PML: variants seen among roughly 807,000 people sequenced by gnomAD.
PML encodes the protein PML nuclear body scaffold, also known as protein PML.
PML carries 28 observed loss-of-function variants against 65.2 expected under a neutral mutation model. The observed-to-expected ratio is 0.43, with a 90% CI of 0.32 to 0.59. PML has a LOEUF of 0.59. Among genes scored for constraint, PML ranks in the 20% least tolerant of loss-of-function variants. The probability of loss-of-function intolerance (pLI) is 0.08; values close to 1 mark genes in which losing one functional copy is unlikely to be tolerated. For missense variants in PML, 1,021 were observed against 1,203.4 expected (o/e 0.85, Z 2.24); for synonymous variants, 500 against 508.8 (o/e 0.98, Z 0.23).
chr15:74,033,244 G>T lies in PML; in HGVS notation c.1487G>T (p.Gly496Val), dbSNP rs1460372560. The T allele has an allele frequency of 1.2e-6, 2 of 1,614,216 alleles. No homozygotes were observed. The highest frequency in any genetic ancestry group is 1.7e-6 in the Non-Finnish European group (2 of 1,180,028). ...RKVIKMESEE[G>V]KEARLARSSP... ...GTCATCAAGATGGAGTCTGAGGAGGGGAAGGAGGCAAGGTTGGCTCGGAGC... is the reference window on the plus strand; with the variant it reads ...GTCATCAAGATGGAGTCTGAGGAGGTGAAGGAGGCAAGGTTGGCTCGGAGC... The change falls in exon 6 of 9, where the codon GGG becomes GTG. Residue 496 changes from glycine (G) to valine (V), a missense_variant. Coordinates refer to ENST00000268058, the MANE Select transcript of PML (RefSeq NM_033238.3).
chr15:73,995,793 C>T (rs1163554343), intron 1 of PML, among the ~76,000 whole-genome samples: 1 of 152,164 alleles, frequency 6.6e-6, no homozygotes, highest in Non-Finnish European at 1.5e-5. Flanking sequence ...CTCACACTGT[C>T]GCCCAGGCTG....
intron 2 of PML, among the ~76,000 whole-genome samples, chr15:74,010,077 G>A (rs8027774): frequency 0.51 from 76,594 of 151,362 alleles, 20,077 homozygotes; most frequent in Non-Finnish European, 0.58. Context: ...TGCAGTGTGC[G>A]ATTATAGCTT....
rs150820966 is a variant in PML, at chr15:73,996,523, T to G, written c.130-1481T>G. 5.2e-3 allele frequency among the ~76,000 whole-genome samples: 789 copies of G among 152,288 alleles called. 6 individuals are homozygous for G. The highest frequency in any genetic ancestry group is 0.018 in the African/African-American group (743 of 41,544). On this transcript the variant is annotated intron_variant, in intron 1 of 8. Transcript: ENST00000268058. ...GCTGTTTGGTGAATAGAGGTTGTCT[T>G]GCTATGTAGATTAAAAGTTCTTAGA...
intron 2 of PML, among the ~76,000 whole-genome samples, chr15:74,020,827 G>A (rs1043677443): frequency 3.9e-5 from 6 of 152,000 alleles, no homozygotes; most frequent in Admixed American, 1.3e-4. Context: ...CTTCAAAGCC[G>A]GCAACATCAC....
intron 2 of PML, among the ~76,000 whole-genome samples, chr15:74,017,080 A>C (rs2070625646): frequency 6.6e-6 from 1 of 151,928 alleles, no homozygotes; most frequent in Admixed American, 6.5e-5. Flanking sequence ...TACAGGCATG[A>C]GCCGCCGCGC....
chr15:73,994,807 G>C lies in PML; in HGVS notation c.-6G>C. ...TAAACCGAGAATCGAAACTAAGCTGGGGTCCATGGAGCCTGCACCCGCCCG... is the reference window on the plus strand; with the variant it reads ...TAAACCGAGAATCGAAACTAAGCTGCGGTCCATGGAGCCTGCACCCGCCCG... On this transcript the variant is annotated 5_prime_UTR_variant, in exon 1 of 9. Coordinates refer to ENST00000268058, the MANE Select transcript of PML (RefSeq NM_033238.3). The C allele has an allele frequency of 6.4e-7, 1 of 1,553,234 alleles. No individual in the cohort carries two copies.
intron 7 of PML, among the ~76,000 whole-genome samples, chr15:74,038,299 G>A (rs1039006491): frequency 2.0e-5 from 3 of 151,910 alleles, no homozygotes; most frequent in Non-Finnish European, 4.4e-5. Context: ...GGGTGGGGCG[G>A]GGAGTATGTA....
rs145911251 is a variant in PML at position 74,044,930 on chromosome 15, G to A, written c.2571G>A (p.Pro857=). ...GTYFEGLLEG[P]ALARAEGVST... is the part of the protein sequence containing the mutation. The stretch of plus-strand genomic sequence containing the variant: ...ACTTTGAAGGCCTGTTGGAGGGTCC[G>A]GCGCTGGCACGGGCAGAAGGAGTCT... Residue 857 remains proline, a synonymous_variant, in exon 9 of 9, where the codon CCG becomes CCA. Transcript: ENST00000268058. The A allele has an allele frequency of 2.4e-5, 38 of 1,613,142 alleles. No homozygotes were observed. Among genetic ancestry groups the A allele is most frequent in the East Asian group, 4.5e-5 (2 of 44,878 alleles).
chr15:74,032,429 C>A, intron 4 of PML, 143 bp from the exon 5 acceptor site: 1 of 837,952 alleles, frequency 1.2e-6, no homozygotes. Flanking sequence ...CTTCTTGTCC[C>A]CAGTGAGCTC....
chr15:74,005,183 G>T (rs1030272619), intron 2 of PML, among the ~76,000 whole-genome samples: 2 of 152,004 alleles, frequency 1.3e-5, no homozygotes, highest in Non-Finnish European at 2.9e-5. Flanking sequence ...CTCCCGAGTA[G>T]CTGGGACTAC....
chr15:74,035,755 C>A lies in PML; in HGVS notation c.1710+1225C>A. ...ATGGCTTCCCAGCTTGACATGTCTTCCGTGGTGGGGGCAGGGGAAAGCAGA... is the reference window on the plus strand; with the variant it reads ...ATGGCTTCCCAGCTTGACATGTCTTACGTGGTGGGGGCAGGGGAAAGCAGA... On this transcript the variant is annotated intron_variant, in intron 7 of 8. Transcript: ENST00000268058. This position sits in a 1 kb window ranked among gnomAD's most constrained non-coding sequence, Gnocchi z 4.1. 6.2e-7 allele frequency: 1 copy of A among 1,614,206 alleles called. No homozygotes were observed. Among genetic ancestry groups the A allele is most frequent in the Non-Finnish European group, 8.5e-7 (1 of 1,180,026 alleles).
intron 1 of PML, among the ~76,000 whole-genome samples, chr15:73,996,617 G>A (rs1345127414): frequency 1.3e-5 from 2 of 152,214 alleles, no homozygotes; most frequent in Non-Finnish European, 2.9e-5. Flanking sequence ...TTTCTTTTAA[G>A]ATATAAATGC....
At position 74,034,572 on chromosome 15, in the gene PML, C is replaced by G. The variant is rs749639984; in HGVS notation, c.1710+42C>G. ...TTCAGCCCAGGACTCCTGCCTCCCC[C>G]CATTTCAGGTCCCAGGGGGCACAGC... is the stretch of plus-strand genomic sequence containing the variant. On this transcript the variant is annotated intron_variant, in intron 7 of 8. Coordinates refer to ENST00000268058, the MANE Select transcript of PML (RefSeq NM_033238.3). 3.7e-6 allele frequency: 6 copies of G among 1,614,066 alleles called. No individual in the cohort carries two copies. The Admixed American group carries it at 5.0e-5, about 13-fold the overall frequency.
chr15:74,033,806 A>G (rs2071425452), intron 6 of PML: 1 of 541,140 alleles, frequency 1.8e-6, no homozygotes, highest in Non-Finnish European at 3.3e-6. Flanking sequence ...CTCTCAGTCT[A>G]CACCCATCAT....
intron 1 of PML, 70 bp from the exon 2 acceptor site, chr15:73,997,934 A>C: frequency 2.3e-6 from 3 of 1,310,048 alleles, no homozygotes; most frequent in Non-Finnish European, 3.3e-6. Context: ...TCCAGCTGTA[A>C]GGGTGGTTGG....
chr15:74,020,175 G>A (rs1011192087), intron 2 of PML, among the ~76,000 whole-genome samples: 1 of 151,932 alleles, frequency 6.6e-6, no homozygotes, highest in Non-Finnish European at 1.5e-5. Flanking sequence ...TGAGCACTAT[G>A]TATCAGTCTG....
chr15:74,029,439 C>A (rs1416740751), intron 4 of PML, among the ~76,000 whole-genome samples: 3 of 152,108 alleles, frequency 2.0e-5, no homozygotes, highest in Non-Finnish European at 4.4e-5. Context: ...GCCTGACCAA[C>A]ATGATGAAAC....
In PML at chr15:74,032,635, A is replaced by G. The variant is rs772181249; in HGVS notation, c.1318A>G (p.Met440Val). The stretch of plus-strand genomic sequence containing the variant: ...CCTGGGGCTGGCTGAAGCCCAGCCT[A>G]TGGCTGTGGTACAGTCAGTGCCCGG... ...QALGLAEAQPMAVVQSVPGAH... is the reference protein window; with the variant it reads ...QALGLAEAQPVAVVQSVPGAH... Residue 440 changes from methionine to valine, a missense_variant, in exon 5 of 9, where the codon ATG (methionine) becomes GTG (valine). Physicochemically the swap from Met to Val is conservative, Grantham distance 21. Transcript: ENST00000268058. 9.9e-6 allele frequency: 16 copies of G among 1,613,918 alleles called. No individual in the cohort carries two copies. The East Asian group carries it at 1.6e-4, about 16-fold the overall frequency.
rs1378098527 is a variant in PML, at chr15:74,043,340, C to T, written c.1861+201C>T. On this transcript the variant is annotated intron_variant, in intron 8 of 8. Transcript: ENST00000268058. This position sits in a 1 kb window ranked among gnomAD's most constrained non-coding sequence, Gnocchi z 4.3. ...GCTTGAATAAAGATGTCCGCCTTAT[C>T]CAGTGCCTGAGTGTGCGAGAGAGGC... 4.1e-6 allele frequency: 6 copies of T among 1,457,128 alleles called. No homozygotes were observed. Among genetic ancestry groups the T allele is most frequent in the Non-Finnish European group, 5.4e-6 (6 of 1,112,430 alleles). 90.3% of individuals were successfully genotyped at this position (1,457,128 alleles called of 1,614,324 possible).
Sources: allele counts gnomAD v4.1 joint callset (sites outside exome capture counted in the v4.1 genomes callset), GRCh38; gene constraint gnomAD v4.1.1; non-coding constraint Gnocchi (gnomAD v3.1); transcripts MANE v1.5; gene names NCBI Gene and HGNC (gene_info 2026-07-23, HGNC 2026-07-21).